Variants in ULK4 observed in about 807,000 individuals in gnomAD.
ULK4 encodes inactive serine/threonine-protein kinase ULK4.
A neutral mutation model predicts 160.6 loss-of-function variants in ULK4; 133 were observed. The ratio of observed to expected loss-of-function variants is 0.83; its 90% CI spans 0.72 to 0.96. The LOEUF (loss-of-function observed/expected upper bound fraction) is 0.96. Ranked by LOEUF, ULK4 falls within the 40% of genes least tolerant of loss-of-function variation. The pLI, the probability that ULK4 is intolerant of heterozygous loss-of-function variation, is 0.00. For synonymous variants in ULK4, 534 were observed against 539.8 expected (o/e 0.99, Z 0.15); for missense variants, 1,580 against 1,499.5 (o/e 1.05, Z -0.89).
intron 21 of ULK4, among the ~76,000 whole-genome samples, chr3:41,762,762 A>C (rs1381983944): frequency 7.0e-6 from 1 of 143,446 alleles, no homozygotes; most frequent in Non-Finnish European, 1.5e-5. Context: ...TCCCAGGTTC[A>C]CGCCATTCTC....
intron 35 of ULK4, among the ~76,000 whole-genome samples, chr3:41,309,668 T>G (rs2080012272): frequency 6.6e-6 from 1 of 152,248 alleles, no homozygotes; most frequent in Admixed American, 6.5e-5. Flanking sequence ...TTAGAACGAT[T>G]ACTTTAGAAT....
chr3:41,459,442 A>G (rs2083633425), intron 33 of ULK4, among the ~76,000 whole-genome samples: 1 of 152,152 alleles, frequency 6.6e-6, no homozygotes, highest in Non-Finnish European at 1.5e-5. Context: ...GCTCGGATCA[A>G]TTCAATTCAA....
intron 29 of ULK4, among the ~76,000 whole-genome samples, chr3:41,667,044 T>C (rs7633783): frequency 0.13 from 20,181 of 152,018 alleles, 3,141 homozygotes; most frequent in African/African-American, 0.38. Flanking sequence ...GTACTAGCTA[T>C]TCAGGAGGCT....
chr3:41,451,551 C>T (rs1011262169), intron 34 of ULK4, among the ~76,000 whole-genome samples: 1 of 151,882 alleles, frequency 6.6e-6, no homozygotes, highest in African/African-American at 2.4e-5. Flanking sequence ...CAAAGAGTGC[C>T]CCATCCAAGA....
At chr3:41,713,581 C>T (rs1195756319) in intron 25 of ULK4, among the ~76,000 whole-genome samples, 1 of 152,146 alleles carries the variant, frequency 6.6e-6, no homozygotes, top group Non-Finnish European at 1.5e-5. Flanking sequence ...TTTTATTTCC[C>T]TAAACTTCCT....
intron 35 of ULK4, among the ~76,000 whole-genome samples, chr3:41,270,062 T>A (rs913395403): frequency 6.6e-6 from 1 of 152,144 alleles, no homozygotes; most frequent in Non-Finnish European, 1.5e-5. Flanking sequence ...TAAACAGACA[T>A]ATACAGCCTA....
At chr3:41,842,085 T>C (rs2041941069) in intron 17 of ULK4, among the ~76,000 whole-genome samples, 1 of 146,286 alleles carries the variant, frequency 6.8e-6, no homozygotes, top group Middle Eastern at 3.4e-3. Context: ...ACTATTATCC[T>C]ATGACCCTGC....
intron 35 of ULK4, among the ~76,000 whole-genome samples, chr3:41,289,015 A>C (rs372132426): frequency 6.6e-6 from 1 of 152,204 alleles, no homozygotes; most frequent in African/African-American, 2.4e-5. Context: ...TGGGTGTGGA[A>C]GAGCTCTCTG....
chr3:41,574,213 A>G (rs1429743260), intron 31 of ULK4, among the ~76,000 whole-genome samples: 1 of 152,106 alleles, frequency 6.6e-6, no homozygotes, highest in Non-Finnish European at 1.5e-5. Flanking sequence ...CAAAAACTCA[A>G]TGGAATCTAA....
intron 23 of ULK4, among the ~76,000 whole-genome samples, chr3:41,715,907 G>GA (rs1553639000): frequency 6.6e-6 from 1 of 151,520 alleles, no homozygotes; most frequent in Non-Finnish European, 1.5e-5. Context: ...TTGCAAACAA[G>GA]AAAAAATATT....
chr3:41,398,209 A>G lies in ULK4; in HGVS notation c.3548T>C (p.Leu1183Pro). The change falls in exon 35 of 37, where the codon CTG becomes CCG. Residue 1183 changes from leucine to proline, a missense_variant. Physicochemically the swap from Leu to Pro is moderately conservative, Grantham distance 98. Transcript: ENST00000301831. Reference protein sequence around the residue: ...FDVSSKCLSILVQLYGGENPD... With the variant: ...FDVSSKCLSIPVQLYGGENPD... Reference sequence around the variant, plus strand: ...GTTTTCCCCTCCATACAGCTGAACCAGTATAGACAGGCACTTGGATGAAAC... The same window carrying G: ...GTTTTCCCCTCCATACAGCTGAACCGGTATAGACAGGCACTTGGATGAAAC... The G allele has an allele frequency of 6.2e-7, 1 of 1,612,584 alleles. No homozygotes were observed. Among genetic ancestry groups the G allele is most frequent in the Non-Finnish European group, 8.5e-7 (1 of 1,179,504 alleles).
intron 32 of ULK4, among the ~76,000 whole-genome samples, chr3:41,507,241 T>C (rs1047312179): frequency 6.8e-6 from 1 of 147,730 alleles, no homozygotes; most frequent in Non-Finnish European, 1.5e-5. Context: ...AGTCACATTA[T>C]AATGTTAAAA....
At chr3:41,252,245 T>C (rs1271627150) in intron 35 of ULK4, among the ~76,000 whole-genome samples, 1 of 152,212 alleles carries the variant, frequency 6.6e-6, no homozygotes, top group Admixed American at 6.5e-5. Flanking sequence ...CAAAATTACT[T>C]GGCAAAAGCA....
At chr3:41,934,783 A>C (rs1469457116) in intron 4 of ULK4, among the ~76,000 whole-genome samples, 1 of 152,166 alleles carries the variant, frequency 6.6e-6, no homozygotes, top group Admixed American at 6.5e-5. Context: ...AATATCAGGA[A>C]TCATACACAT....
chr3:41,542,203 T>G (rs1430722356), intron 32 of ULK4, among the ~76,000 whole-genome samples: 1 of 152,214 alleles, frequency 6.6e-6, no homozygotes, highest in Admixed American at 6.5e-5. Context: ...CGATACCTCA[T>G]TTATTGACAG....
At chr3:41,392,738 A>C (rs1037068112) in intron 35 of ULK4, among the ~76,000 whole-genome samples, 1 of 152,076 alleles carries the variant, frequency 6.6e-6, no homozygotes, top group Non-Finnish European at 1.5e-5. Flanking sequence ...ATATCCTCTG[A>C]TTAGGTCCTC....
At chr3:41,618,204 G>A (rs1366414325) in intron 30 of ULK4, among the ~76,000 whole-genome samples, 2 of 152,142 alleles carry the variant, frequency 1.3e-5, no homozygotes, top group Non-Finnish European at 2.9e-5. Context: ...CATATTTCAG[G>A]ATATTATCCA....
chr3:41,689,832 C>T (rs1225854947), intron 27 of ULK4, among the ~76,000 whole-genome samples: 3 of 150,950 alleles, frequency 2.0e-5, no homozygotes, highest in African/African-American at 7.4e-5. Context: ...AACACTTTTA[C>T]ACTGTTGGTG....
intron 5 of ULK4, among the ~76,000 whole-genome samples, chr3:41,930,838 C>T (rs1159098350): frequency 6.6e-6 from 1 of 152,088 alleles, no homozygotes; most frequent in East Asian, 1.9e-4. Context: ...AGTCAAGAAA[C>T]AAAAATGCTG....
Sources: gnomAD v4.1 joint callset for allele counts (sites outside exome capture counted in the v4.1 genomes callset) on GRCh38, gnomAD v4.1.1 for gene constraint, MANE v1.5 for transcripts, NCBI Gene and HGNC (gene_info 2026-07-23, HGNC 2026-07-21) for gene names.